ARSJ: variants seen among roughly 807,000 people sequenced by gnomAD.
The protein encoded by ARSJ is arylsulfatase J.
Under a neutral mutation model 35.9 loss-of-function variants are expected in ARSJ, and 26 were observed. That is an observed-to-expected ratio of 0.72 (90% CI 0.53 to 1.00). The LOEUF (loss-of-function observed/expected upper bound fraction) is 1.00. Among genes scored for constraint, ARSJ ranks in the 50% least tolerant of loss-of-function variants. The pLI is 0.00. For synonymous variants in ARSJ, 294 were observed against 267.6 expected (o/e 1.10, Z -0.96); for missense variants, 667 against 723.6 (o/e 0.92, Z 0.90).
rs200146289 is a variant in ARSJ, at chr4:113,902,866, A to G, written c.1208T>C (p.Ile403Thr). ...AAGACCCTCACTTATGGTCTCCCAG[A>G]TATCATAGCCATCTAGTTGAATGTC... The part of the protein sequence containing the change: ...DEDIQLDGYD[I>T]WETISEGLRS... The change falls in exon 2 of 2, where the codon ATC (isoleucine) becomes ACC (threonine). Residue 403 changes from isoleucine to threonine, a missense_variant. Ile to Thr is a moderately conservative substitution (Grantham distance 89, BLOSUM62 -1). Transcript: ENST00000315366. The G allele has an allele frequency of 1.2e-5, 19 of 1,614,182 alleles. No homozygotes were observed. In the Admixed American group the frequency reaches 3.2e-4, roughly 27 times the overall value.
chr4:113,973,261 TC>T (rs1727388462), intron 1 of ARSJ, among the ~76,000 whole-genome samples: 1 of 152,166 alleles, frequency 6.6e-6, no homozygotes, highest in Non-Finnish European at 1.5e-5. Context: ...TAAATTTTGA[TC>T]CCCTGCATAT....
At chr4:113,945,031 T>C (rs948781847) in intron 1 of ARSJ, among the ~76,000 whole-genome samples, 5 of 152,094 alleles carry the variant, frequency 3.3e-5, no homozygotes, top group Non-Finnish European at 5.9e-5. Flanking sequence ...TGAATAGGAA[T>C]AATTTATTTA....
chr4:113,905,660 A>AT (rs766150372), intron 1 of ARSJ, among the ~76,000 whole-genome samples: 11,893 of 81,042 alleles, frequency 0.15, 2,794 homozygotes, highest in African/African-American at 0.33. Context: ...GTTCTTGATA[A>AT]TTTTTTTTTT....
intron 1 of ARSJ, among the ~76,000 whole-genome samples, chr4:113,946,019 T>C (rs1032282643): frequency 1.4e-3 from 205 of 147,078 alleles, no homozygotes; most frequent in Non-Finnish European, 2.0e-3. Context: ...ATTTTTTTTT[T>C]CCTTAAGAAT....
chr4:113,910,895 A>G (rs1467826008), intron 1 of ARSJ, among the ~76,000 whole-genome samples: 1 of 152,196 alleles, frequency 6.6e-6, no homozygotes, highest in Non-Finnish European at 1.5e-5. Context: ...GTTAGAGTAG[A>G]GAACCACAGC....
chr4:113,948,176 G>A (rs1344321085), intron 1 of ARSJ, among the ~76,000 whole-genome samples: 1 of 151,924 alleles, frequency 6.6e-6, no homozygotes, highest in Non-Finnish European at 1.5e-5. Flanking sequence ...GTGACAGAGC[G>A]AGATTCTGTC....
At chr4:113,970,264 C>T (rs1053869328) in intron 1 of ARSJ, among the ~76,000 whole-genome samples, 4 of 152,042 alleles carry the variant, frequency 2.6e-5, no homozygotes, top group Non-Finnish European at 4.4e-5. Flanking sequence ...AAAGACTGGA[C>T]TGAGGTGTTT....
At chr4:113,959,934 T>C (rs533975068) in intron 1 of ARSJ, among the ~76,000 whole-genome samples, 2 of 152,200 alleles carry the variant, frequency 1.3e-5, no homozygotes, top group South Asian at 2.1e-4. Flanking sequence ...CTAGTTTCTC[T>C]TGTCTTCAAG....
At chr4:113,919,148 G>A (rs772837421) in intron 1 of ARSJ, among the ~76,000 whole-genome samples, 2 of 152,124 alleles carry the variant, frequency 1.3e-5, no homozygotes, top group Non-Finnish European at 1.5e-5. Context: ...CTGAAGCTGA[G>A]AGATGTGTAG....
Position 113,901,201 on chromosome 4 carries a change from C to T in ARSJ, c.*1073G>A, listed in dbSNP as rs990098268. ...AATTTTCTAGTGCCATAAAGTAAAT[C>T]ATTTTAATAATTAAGATACATAAAT... On this transcript the variant is annotated 3_prime_UTR_variant, in exon 2 of 2. Transcript: ENST00000315366. 1 of 152,084 alleles carries T rather than the reference C, an allele frequency of 6.6e-6. No individual in the cohort carries two copies. The highest frequency in any genetic ancestry group is 1.5e-5 in the Non-Finnish European group (1 of 68,006). The allele number at this position is 152,084 out of a possible 1,614,324, so 9.4% of individuals were successfully genotyped here.
At chr4:113,907,983 G>A (rs558237153) in intron 1 of ARSJ, among the ~76,000 whole-genome samples, 3 of 152,178 alleles carry the variant, frequency 2.0e-5, no homozygotes, top group Admixed American at 6.5e-5. Context: ...ACTACCCATC[G>A]GGTAGTATGC....
intron 1 of ARSJ, among the ~76,000 whole-genome samples, chr4:113,955,321 A>C (rs1726109277): frequency 6.6e-6 from 1 of 152,022 alleles, no homozygotes. Flanking sequence ...ATCAAAATAA[A>C]TGAACAGATT....
chr4:113,973,584 C>T (rs1727412652), intron 1 of ARSJ, among the ~76,000 whole-genome samples: 1 of 152,140 alleles, frequency 6.6e-6, no homozygotes, highest in South Asian at 2.1e-4. Flanking sequence ...CTCAAGTGGG[C>T]TCTCGTTACA....
chr4:113,940,809 T>C (rs2149269526), intron 1 of ARSJ, among the ~76,000 whole-genome samples: 1 of 152,120 alleles, frequency 6.6e-6, no homozygotes, highest in African/African-American at 2.4e-5. Context: ...AAGATAATTT[T>C]TTTTTCATCT....
chr4:113,908,423 T>C (rs981829754), intron 1 of ARSJ, among the ~76,000 whole-genome samples: 4 of 152,206 alleles, frequency 2.6e-5, no homozygotes, highest in African/African-American at 9.6e-5. Flanking sequence ...AAACAAGATG[T>C]AAGAAAATCT....
rs1194044321 is a variant in ARSJ, at chr4:113,924,221, T to G, written c.399-20546A>C. Among the ~76,000 whole-genome samples the G allele has an allele frequency of 2.0e-5, 3 of 150,792 alleles. No individual in the cohort carries two copies. The Admixed American group carries it at 2.0e-4, about 10-fold the overall frequency. On this transcript the variant is annotated intron_variant, in intron 1 of 1. Coordinates refer to ENST00000315366, the MANE Select transcript of ARSJ (RefSeq NM_024590.4). ...GGACAGCCAGTCAGAGTCCCAAAAC[T>G]GAAGAACTTGGAGTCCAACGTTCGA...
chr4:113,967,638 C>G (rs1726979142), intron 1 of ARSJ, among the ~76,000 whole-genome samples: 2 of 152,152 alleles, frequency 1.3e-5, no homozygotes, highest in Admixed American at 6.6e-5. Context: ...TTTAAAATAA[C>G]TGCTTTCTCT....
intron 1 of ARSJ, among the ~76,000 whole-genome samples, chr4:113,914,695 G>A (rs1320696579): frequency 6.6e-6 from 1 of 152,180 alleles, no homozygotes; most frequent in Admixed American, 6.5e-5. Flanking sequence ...TAGAGAAAAT[G>A]AGGCAGTCTC....
rs189460370 is a variant in ARSJ at position 113,941,037 on chromosome 4, G to A, written c.399-37362C>T. Among the ~76,000 whole-genome samples the A allele has an allele frequency of 2.5e-3, 377 of 152,012 alleles. 1 individual carries two copies. The highest frequency in any genetic ancestry group is 8.4e-3 in the African/African-American group (349 of 41,518). ...TGAGTAGCCTTCAAAGAGTTATCTC[G>A]GAGAGCAAATAGATCTTTCTATTTG... is the stretch of plus-strand genomic sequence containing the variant. On this transcript the variant is annotated intron_variant, in intron 1 of 1. Transcript: ENST00000315366.
Sources: allele counts gnomAD v4.1 joint callset (sites outside exome capture counted in the v4.1 genomes callset), GRCh38; gene constraint gnomAD v4.1.1; transcripts MANE v1.5; gene names NCBI Gene and HGNC (gene_info 2026-07-23, HGNC 2026-07-21).